The following SGCZ variants were observed in gnomAD, a reference collection of about 807,000 sequenced individuals.
SGCZ encodes the protein sarcoglycan zeta.
SGCZ carries 40 observed loss-of-function variants against 41.3 expected under a neutral mutation model. The ratio of observed to expected loss-of-function variants is 0.97; its 90% CI spans 0.75 to 1.26. The LOEUF (loss-of-function observed/expected upper bound fraction) is 1.26, where lower values mean the gene tolerates loss of function less well. Ranked by LOEUF, SGCZ falls within the 50% of genes most tolerant of loss-of-function variation. SGCZ has a pLI of 0.00. For missense variants in SGCZ, 552 were observed against 369.8 expected (o/e 1.49, Z -4.04); for synonymous variants, 206 against 137.5 (o/e 1.50, Z -3.49).
Position 14,688,951 on chromosome 8 carries a change from C to T in SGCZ, c.40-134025G>A, listed in dbSNP as rs532460491. Among the ~76,000 whole-genome samples the T allele has an allele frequency of 6.3e-3, 963 of 152,062 alleles. 10 individuals carry two copies. Among genetic ancestry groups the T allele is most frequent in the Middle Eastern group, 0.031 (9 of 294 alleles). On this transcript the variant is annotated intron_variant, in intron 1 of 7. Transcript: ENST00000382080. ...AAAATCAATATACAAAAATCACAAGCATTCTTATACACCAATAACAGACAA... is the reference window on the plus strand; with the variant it reads ...AAAATCAATATACAAAAATCACAAGTATTCTTATACACCAATAACAGACAA...
intron 1 of SGCZ, among the ~76,000 whole-genome samples, chr8:14,801,142 C>T (rs576760859): frequency 2.1e-4 from 32 of 152,172 alleles, no homozygotes; most frequent in Non-Finnish European, 3.7e-4. Flanking sequence ...TACCAAATAA[C>T]GAAGATCGCA....
chr8:14,395,246 C>A (rs986433039), intron 2 of SGCZ, among the ~76,000 whole-genome samples: 4 of 152,086 alleles, frequency 2.6e-5, no homozygotes, highest in Non-Finnish European at 4.4e-5. Flanking sequence ...TAAACATAGC[C>A]TTTGCCCTTG....
rs79544179 is a variant in SGCZ, at chr8:14,577,083, G to A, written c.40-22157C>T. The stretch of plus-strand genomic sequence containing the variant: ...CAATTGCCAAAAGGTATATTTGAAT[G>A]AGGACTGGATTACTAACATATCACT... On this transcript the variant is annotated intron_variant, in intron 1 of 7. Coordinates refer to ENST00000382080, the MANE Select transcript of SGCZ (RefSeq NM_139167.4). Among the ~76,000 whole-genome samples, 1,166 of 152,260 alleles carry A rather than the reference G, an allele frequency of 7.7e-3. 10 individuals are homozygous for A. The highest frequency in any genetic ancestry group is 0.011 in the Non-Finnish European group (781 of 68,024).
chr8:15,041,375 T>G (rs1804090325), intron 1 of SGCZ, among the ~76,000 whole-genome samples: 1 of 151,988 alleles, frequency 6.6e-6, no homozygotes, highest in South Asian at 2.1e-4. Flanking sequence ...TAGAATGCAT[T>G]TTAAAGTACA....
At chr8:14,429,789 T>C (rs1563323900) in intron 2 of SGCZ, among the ~76,000 whole-genome samples, 1 of 151,932 alleles carries the variant, frequency 6.6e-6, no homozygotes, top group African/African-American at 2.4e-5. Context: ...TTCTTGGACT[T>C]GTTTTTTTTT....
intron 1 of SGCZ, among the ~76,000 whole-genome samples, chr8:14,979,428 A>G (rs1801589818): frequency 6.6e-6 from 1 of 152,166 alleles, no homozygotes; most frequent in South Asian, 2.1e-4. Flanking sequence ...AAGAATCTAC[A>G]AGGATGGGAA....
chr8:15,030,116 G>A (rs912479428), intron 1 of SGCZ, among the ~76,000 whole-genome samples: 2 of 152,112 alleles, frequency 1.3e-5, no homozygotes, highest in Admixed American at 6.5e-5. Flanking sequence ...AGTGGTTCTT[G>A]CAATAGCAGC....
intron 2 of SGCZ, among the ~76,000 whole-genome samples, chr8:14,402,272 T>G (rs1251638414): frequency 6.6e-6 from 1 of 151,438 alleles, no homozygotes; most frequent in Admixed American, 6.6e-5. Context: ...TCTTTTGCTG[T>G]GCAGAAGCTC....
At chr8:15,108,219 T>C (rs1261578932) in intron 1 of SGCZ, among the ~76,000 whole-genome samples, 1 of 152,242 alleles carries the variant, frequency 6.6e-6, no homozygotes. Flanking sequence ...ATCAATTTCA[T>C]TAAATTCTCT....
At chr8:14,521,620 T>A (rs1187387736) in intron 2 of SGCZ, among the ~76,000 whole-genome samples, 1 of 152,184 alleles carries the variant, frequency 6.6e-6, no homozygotes, top group East Asian at 1.9e-4. Flanking sequence ...AACATTCATG[T>A]ACAGGTTTTT....
intron 4 of SGCZ, among the ~76,000 whole-genome samples, chr8:14,200,093 T>C (rs1437699162): frequency 1.3e-5 from 2 of 152,174 alleles, no homozygotes; most frequent in African/African-American, 4.8e-5. Flanking sequence ...CCTGGCAGTG[T>C]TGGAATATAT....
chr8:15,131,055 A>T (rs1807879973), intron 1 of SGCZ, among the ~76,000 whole-genome samples: 1 of 152,214 alleles, frequency 6.6e-6, no homozygotes, highest in Non-Finnish European at 1.5e-5. Context: ...AAGCTGAGGA[A>T]GCATCAAGAT....
At chr8:15,069,444 G>C (rs1805272968) in intron 1 of SGCZ, among the ~76,000 whole-genome samples, 1 of 152,164 alleles carries the variant, frequency 6.6e-6, no homozygotes, top group African/African-American at 2.4e-5. Flanking sequence ...TTTTCCAAGT[G>C]AGTATACCTC....
intron 1 of SGCZ, among the ~76,000 whole-genome samples, chr8:14,807,869 G>A (rs1376967881): frequency 1.3e-5 from 2 of 152,100 alleles, no homozygotes; most frequent in African/African-American, 4.8e-5. Context: ...CATGATACTG[G>A]TACCAAAACA....
chr8:14,517,305 G>A (rs541921649), intron 2 of SGCZ, among the ~76,000 whole-genome samples: 11 of 152,084 alleles, frequency 7.2e-5, no homozygotes, highest in African/African-American at 2.6e-4. Flanking sequence ...ATCTTTAAGG[G>A]CCCAAGTTAA....
chr8:14,310,208 A>G (rs1585347339), intron 3 of SGCZ, among the ~76,000 whole-genome samples: 1 of 151,948 alleles, frequency 6.6e-6, no homozygotes, highest in Non-Finnish European at 1.5e-5. Context: ...TCCCTATTTG[A>G]TAGTATTAGT....
At chr8:15,155,069 A>G (rs1799290490) in intron 1 of SGCZ, among the ~76,000 whole-genome samples, 1 of 152,194 alleles carries the variant, frequency 6.6e-6, no homozygotes. Flanking sequence ...AGGAAAGTGG[A>G]TAGCTTGAGC....
chr8:15,048,707 T>C (rs1563466688), intron 1 of SGCZ, among the ~76,000 whole-genome samples: 4 of 152,138 alleles, frequency 2.6e-5, no homozygotes, highest in Non-Finnish European at 4.4e-5. Context: ...GATCTAAAAA[T>C]AATAAGAATA....
chr8:15,225,016 C>G (rs1016207908), intron 1 of SGCZ, among the ~76,000 whole-genome samples: 1 of 152,042 alleles, frequency 6.6e-6, no homozygotes, highest in African/African-American at 2.4e-5. Context: ...TAACATATCT[C>G]TAATTTGTAG....
Sources: gnomAD v4.1 joint callset for allele counts (sites outside exome capture counted in the v4.1 genomes callset) on GRCh38, gnomAD v4.1.1 for gene constraint, MANE v1.5 for transcripts, NCBI Gene and HGNC (gene_info 2026-07-23, HGNC 2026-07-21) for gene names.